Variants in PTPRG observed in about 807,000 individuals in gnomAD.
The protein encoded by PTPRG is protein tyrosine phosphatase receptor type G.
Under a neutral mutation model 165.3 loss-of-function variants are expected in PTPRG, and 102 were observed. That is an observed-to-expected ratio of 0.62 (90% CI 0.53 to 0.73). PTPRG has a LOEUF of 0.73. Ranked by LOEUF, PTPRG falls within the 30% of genes least tolerant of loss-of-function variation. The probability of loss-of-function intolerance (pLI) is 0.00; values close to 1 mark genes in which losing one functional copy is unlikely to be tolerated. For missense variants in PTPRG, 1,866 were observed against 1,861.4 expected (o/e 1.00, Z -0.05); for synonymous variants, 675 against 669.5 (o/e 1.01, Z -0.13).
chr3:61,809,580 TAAGTATTATAACACTG>T (rs1424953203), intron 2 of PTPRG, among the ~76,000 whole-genome samples: 1 of 152,116 alleles, frequency 6.6e-6, no homozygotes, highest in Non-Finnish European at 1.5e-5. Context: ...TTCTGTAAAA[TAAGTATTATAACACTG>T]ACCACATAGG....
intron 2 of PTPRG, among the ~76,000 whole-genome samples, chr3:61,850,225 C>T (rs1425871687): frequency 6.6e-6 from 1 of 152,018 alleles, no homozygotes; most frequent in Admixed American, 6.6e-5. Flanking sequence ...TGCAATGGTG[C>T]AATCTTGGCT....
chr3:62,281,671 C>G lies in PTPRG; in HGVS notation c.3874C>G (p.Gln1292Glu), dbSNP rs1319929928. Residue 1292 changes from glutamine to glutamate, a missense_variant, in exon 27 of 30, where the codon CAA (glutamine) becomes GAA (glutamate). This residue lies in a region of PTPRG where 1,452 missense variants were observed against 1,463.0 expected (regional missense o/e 0.99). Transcript: ENST00000474889. Reference protein sequence around the residue: ...KDRLCLSNEEQIIIHDFILEA... With the variant: ...KDRLCLSNEEEIIIHDFILEA... ...CAGACTGTGCCTCTCTAATGAAGAA[C>G]AAATTATCATCCATGACTTTATCCT... 1 of 1,610,420 alleles carries G rather than the reference C, an allele frequency of 6.2e-7. No homozygotes were observed. Among genetic ancestry groups the G allele is most frequent in the Non-Finnish European group, 8.5e-7 (1 of 1,178,242 alleles).
At chr3:62,131,303 A>G (rs150694107) in intron 5 of PTPRG, among the ~76,000 whole-genome samples, 92 of 152,256 alleles carry the variant, frequency 6.0e-4, no homozygotes, top group African/African-American at 1.9e-3. Flanking sequence ...TTGTAGGGCA[A>G]TATCTCCCCC....
At chr3:61,975,148 T>C (rs988775067) in intron 2 of PTPRG, among the ~76,000 whole-genome samples, 3 of 152,204 alleles carry the variant, frequency 2.0e-5, no homozygotes, top group African/African-American at 7.2e-5. Flanking sequence ...CGTTGGTCCA[T>C]TGTCAGTGGC....
chr3:62,052,974 G>T (rs2106658604), intron 4 of PTPRG, among the ~76,000 whole-genome samples: 1 of 152,280 alleles, frequency 6.6e-6, no homozygotes, highest in East Asian at 1.9e-4. Flanking sequence ...TAGCCAGGAA[G>T]CACAGCCCAC....
chr3:61,792,372 C>A (rs1385618151), intron 2 of PTPRG, among the ~76,000 whole-genome samples: 1 of 151,908 alleles, frequency 6.6e-6, no homozygotes, highest in Non-Finnish European at 1.5e-5. Context: ...TGCAGGTGTG[C>A]GCCACCATGC....
At chr3:62,051,315 C>T (rs1342945688) in intron 4 of PTPRG, among the ~76,000 whole-genome samples, 2 of 152,100 alleles carry the variant, frequency 1.3e-5, no homozygotes, top group Non-Finnish European at 2.9e-5. Flanking sequence ...GCACAACTGC[C>T]CTGGAACACT....
At chr3:61,936,543 G>C (rs1171898265) in intron 2 of PTPRG, among the ~76,000 whole-genome samples, 1 of 152,152 alleles carries the variant, frequency 6.6e-6, no homozygotes, top group Non-Finnish European at 1.5e-5. Context: ...CCCCCTACTG[G>C]TCAAAACAGA....
chr3:61,849,545 C>T (rs1345175984), intron 2 of PTPRG, among the ~76,000 whole-genome samples: 2 of 152,170 alleles, frequency 1.3e-5, no homozygotes, highest in Non-Finnish European at 2.9e-5. Context: ...CTGACTGAAG[C>T]CCAGGTGCTG....
intron 2 of PTPRG, among the ~76,000 whole-genome samples, chr3:61,832,433 T>G (rs935148742): frequency 6.6e-6 from 1 of 151,978 alleles, no homozygotes; most frequent in Non-Finnish European, 1.5e-5. Context: ...GCATAGAGAG[T>G]GGGTAAGCAT....
chr3:62,059,277 T>A (rs1456224906), intron 4 of PTPRG, among the ~76,000 whole-genome samples: 1 of 152,220 alleles, frequency 6.6e-6, no homozygotes, highest in Non-Finnish European at 1.5e-5. Flanking sequence ...TAGATGATTC[T>A]TAGACTTGGA....
chr3:62,250,312 T>G (rs754591643), intron 15 of PTPRG, among the ~76,000 whole-genome samples: 3 of 152,160 alleles, frequency 2.0e-5, no homozygotes, highest in Non-Finnish European at 4.4e-5. Flanking sequence ...TCTGGCTTCC[T>G]GATACACAGC....
rs748915094 is a variant in PTPRG at position 61,656,738 on chromosome 3, A to C, written c.86-92140A>C. Among the ~76,000 whole-genome samples the C allele has an allele frequency of 8.5e-4, 130 of 152,136 alleles. 2 individuals are homozygous for C. The highest frequency in any genetic ancestry group is 1.2e-3 in the Admixed American group (19 of 15,288). On this transcript the variant is annotated intron_variant, in intron 1 of 29. Transcript: ENST00000474889. The stretch of plus-strand genomic sequence containing the variant: ...TCCAACATTCTTGTAGATTGAAGAT[A>C]TTTTCCTTAGCTTCTTGTTCTTTGC...
intron 2 of PTPRG, among the ~76,000 whole-genome samples, chr3:61,983,261 T>A (rs1230249856): frequency 1.3e-5 from 2 of 152,138 alleles, no homozygotes; most frequent in African/African-American, 4.8e-5. Flanking sequence ...CCATAAAGAT[T>A]TTAATTAAAA....
chr3:61,976,985 C>T (rs1438135059), intron 2 of PTPRG, among the ~76,000 whole-genome samples: 1 of 151,940 alleles, frequency 6.6e-6, no homozygotes, highest in Non-Finnish European at 1.5e-5. Context: ...TTATAGGGGT[C>T]TTTTTCTCCC....
intron 26 of PTPRG, among the ~76,000 whole-genome samples, chr3:62,278,586 T>G (rs567612795): frequency 2.6e-5 from 4 of 152,092 alleles, no homozygotes; most frequent in African/African-American, 9.6e-5. Flanking sequence ...ATAGTCAGAT[T>G]AATGAGTTTT....
At chr3:62,208,131 C>T (rs1031582248) in intron 12 of PTPRG, among the ~76,000 whole-genome samples, 2 of 152,212 alleles carry the variant, frequency 1.3e-5, no homozygotes, top group African/African-American at 4.8e-5. Context: ...GCTAGAGTTG[C>T]AACTTCCTGA....
Position 62,203,052 on chromosome 3 carries a change from T to G in PTPRG, c.1378-121T>G, listed in dbSNP as rs1035565522. 6.8e-7 allele frequency: 1 copy of G among 1,473,400 alleles called. No homozygotes were observed. The highest frequency in any genetic ancestry group is 2.3e-5 in the East Asian group (1 of 42,618). The allele number at this position is 1,473,400 out of a possible 1,614,324, so 91.3% of individuals were successfully genotyped here. A position where few individuals can be genotyped will look rare whatever the true frequency, so the allele number is the denominator to read the frequency against. ...CCATACATTGGAAAACTCCATAGCA[T>G]AGATGAGTAAAATCCTCAGAGGGTG... On this transcript the variant is annotated intron_variant, in intron 11 of 29. Coordinates refer to ENST00000474889, the MANE Select transcript of PTPRG (RefSeq NM_002841.4). The surrounding 1 kb of genome is among the most constrained non-coding windows in gnomAD (Gnocchi z 6.4).
chr3:61,760,415 A>C (rs759847341), intron 2 of PTPRG, among the ~76,000 whole-genome samples: 1 of 152,042 alleles, frequency 6.6e-6, no homozygotes, highest in African/African-American at 2.4e-5. Context: ...GGGACCTTTT[A>C]AAAATCCTAC....
Sources: gnomAD v4.1 joint callset for allele counts (sites outside exome capture counted in the v4.1 genomes callset) on GRCh38, gnomAD v4.1.1 for gene constraint, gnomAD v4.1.1 regional missense constraint, Gnocchi (gnomAD v3.1) non-coding constraint, MANE v1.5 for transcripts, NCBI Gene and HGNC (gene_info 2026-07-23, HGNC 2026-07-21) for gene names.